The following DHX33 variants were observed in gnomAD, a reference collection of about 807,000 sequenced individuals.
DHX33 encodes DEAH-box helicase 33.
In DHX33, 42 loss-of-function variants were observed where a neutral mutation model predicts 72.5. The ratio of observed to expected loss-of-function variants is 0.58; its 90% CI spans 0.45 to 0.75. The LOEUF is 0.75. Ranked by LOEUF, DHX33 falls within the 30% of genes least tolerant of loss-of-function variation. DHX33 has a pLI of 0.00. For synonymous variants in DHX33, 358 were observed against 366.1 expected (o/e 0.98, Z 0.25); for missense variants, 842 against 917.5 (o/e 0.92, Z 1.06).
At position 5,455,285 on chromosome 17, in the gene DHX33, G is replaced by A; in HGVS notation, c.1036-14C>T. Reference sequence around the variant, plus strand: ...TTTGCGATAGCCCTAAAAGGAGGAAGAAAACCAAAAAGCCGCATTGACACA... The same window carrying A: ...TTTGCGATAGCCCTAAAAGGAGGAAAAAAACCAAAAAGCCGCATTGACACA... On this transcript the variant is annotated splice_polypyrimidine_tract_variant and intron_variant, in intron 5 of 11. Coordinates refer to ENST00000225296, the MANE Select transcript of DHX33 (RefSeq NM_020162.4). 6.2e-7 allele frequency: 1 copy of A among 1,610,524 alleles called. No individual in the cohort carries two copies. The highest frequency in any genetic ancestry group is 8.5e-7 in the Non-Finnish European group (1 of 1,177,166).
At chr17:5,462,113 T>C (rs765046428) in intron 3 of DHX33, among the ~76,000 whole-genome samples, 6 of 150,510 alleles carry the variant, frequency 4.0e-5, no homozygotes, top group Non-Finnish European at 5.9e-5. Context: ...CTAATTTTTA[T>C]ATTTTTAGTA....
Position 5,450,855 on chromosome 17 carries a change from TGGAGTCA to T in DHX33, c.1469_1475del (p.Leu490GlnfsTer11). 1 of 1,614,192 alleles carries T rather than the reference TGGAGTCA, an allele frequency of 6.2e-7. No individual in the cohort carries two copies. The highest frequency in any genetic ancestry group is 8.5e-7 in the Non-Finnish European group (1 of 1,180,030). ...GAAATGCTGCCATCTTTCTTCCCAT[TGGAGTCA>T]GGGTAAGCTGGTCATCCTTATGTTC... On this transcript the variant is annotated frameshift_variant, in exon 9 of 12. Transcript: ENST00000225296. LOFTEE classifies it high-confidence loss of function.
chr17:5,453,765 C>G, intron 7 of DHX33, 56 bp downstream of exon 7: 1 of 1,612,584 alleles, frequency 6.2e-7, no homozygotes, highest in African/African-American at 1.3e-5. Flanking sequence ...CAGCTCTGGG[C>G]AAGCAGGAGA....
intron 8 of DHX33, among the ~76,000 whole-genome samples, chr17:5,452,496 C>T (rs1271522960): frequency 2.6e-5 from 4 of 152,140 alleles, no homozygotes; most frequent in African/African-American, 2.4e-5. Context: ...GCTGGGATCG[C>T]ACCACTGCAC....
chr17:5,451,408 A>G (rs557430098), intron 8 of DHX33, among the ~76,000 whole-genome samples: 1 of 152,192 alleles, frequency 6.6e-6, no homozygotes, highest in Admixed American at 6.5e-5. Flanking sequence ...CCCAGCCTCA[A>G]TTTTCTTTTT....
chr17:5,467,344 C>A (rs916251279), intron 1 of DHX33, among the ~76,000 whole-genome samples: 3 of 152,204 alleles, frequency 2.0e-5, no homozygotes, highest in Non-Finnish European at 4.4e-5. Flanking sequence ...AGGAAACTCT[C>A]CATCCCCTCG....
chr17:5,463,550 C>T lies in DHX33; in HGVS notation c.429G>A (p.Lys143=). The T allele has an allele frequency of 6.2e-7, 1 of 1,614,146 alleles. No homozygotes were observed. The highest frequency in any genetic ancestry group is 8.5e-7 in the Non-Finnish European group (1 of 1,180,012). ...GTACCAGCTTCCCAAGTTCAGTTCT[C>T]TTCTCATCTGAGACTCTAGTAGCAA... ...ISLATRVSDE[K]RTELGKLVGY... The change falls in exon 2 of 12, where the codon AAG becomes AAA. Residue 143 remains lysine (K), a synonymous_variant. Coordinates refer to ENST00000225296, the MANE Select transcript of DHX33 (RefSeq NM_020162.4).
At chr17:5,465,036 G>T (rs11658701) in intron 1 of DHX33, among the ~76,000 whole-genome samples, 1 of 152,062 alleles carries the variant, frequency 6.6e-6, no homozygotes, top group African/African-American at 2.4e-5. Context: ...ACACCAGAAG[G>T]GAAGCTCCCA....
chr17:5,464,274 G>C (rs759385076), intron 1 of DHX33, among the ~76,000 whole-genome samples: 1 of 152,156 alleles, frequency 6.6e-6, no homozygotes, highest in Non-Finnish European at 1.5e-5. Context: ...AGGCTGCAGT[G>C]AGCCATGATC....
At chr17:5,464,304 T>A (rs1164126597) in intron 1 of DHX33, among the ~76,000 whole-genome samples, 1 of 152,192 alleles carries the variant, frequency 6.6e-6, no homozygotes, top group African/African-American at 2.4e-5. Context: ...CACTCCAGCA[T>A]GGGCAACGGA....
Position 5,453,573 on chromosome 17 carries a change from C to T in DHX33, c.1396+7G>A. On this transcript the variant is annotated splice_region_variant and intron_variant, in intron 8 of 11. Coordinates refer to ENST00000225296, the MANE Select transcript of DHX33 (RefSeq NM_020162.4). ...CCACCTTCTGCAAAACTGTGGATTTCACTTACCTGGAGATGGCTTCGACAT... is the reference window on the plus strand; with the variant it reads ...CCACCTTCTGCAAAACTGTGGATTTTACTTACCTGGAGATGGCTTCGACAT... 2 of 1,613,952 alleles carry T rather than the reference C, an allele frequency of 1.2e-6. No homozygotes were observed.
At chr17:5,466,392 C>T (rs1431268908) in intron 1 of DHX33, among the ~76,000 whole-genome samples, 1 of 152,034 alleles carries the variant, frequency 6.6e-6, no homozygotes, top group African/African-American at 2.4e-5. Flanking sequence ...CACACATAAC[C>T]CCATCCTAAA....
In DHX33 at chr17:5,463,634, C is replaced by A; in HGVS notation, c.345G>T (p.Gly115=). 4 of 1,613,938 alleles carry A rather than the reference C, an allele frequency of 2.5e-6. No homozygotes were observed. The highest frequency in any genetic ancestry group is 3.4e-6 in the Non-Finnish European group (4 of 1,179,992). ...CAGCAATGATGCCCTGGCGGCTGAT[C>A]CCTCCTTCATACAGGTACTGAGGGA... The part of the protein sequence containing the change: ...TQIPQYLYEG[G]ISRQGIIAVT... Residue 115 remains glycine, a synonymous_variant, in exon 2 of 12, where the codon GGG becomes GGT. Coordinates refer to ENST00000225296, the MANE Select transcript of DHX33 (RefSeq NM_020162.4).
intron 6 of DHX33, 95 bp downstream of exon 6, chr17:5,455,065 C>T (rs1917128308): frequency 6.0e-6 from 7 of 1,162,854 alleles, no homozygotes; most frequent in Non-Finnish European, 8.9e-6. Flanking sequence ...TTGTTAGTTA[C>T]AAACATGAAA....
At chr17:5,460,870 G>C (rs1904565514) in intron 4 of DHX33, 69 bp downstream of exon 4, 2 of 1,517,350 alleles carry the variant, frequency 1.3e-6, no homozygotes, top group South Asian at 1.2e-5. Context: ...TCTTTTCAAG[G>C]CTCAATGTTC....
intron 1 of DHX33, among the ~76,000 whole-genome samples, chr17:5,465,639 C>T (rs530127725): frequency 5.3e-5 from 8 of 152,340 alleles, no homozygotes; most frequent in Admixed American, 3.3e-4. Flanking sequence ...TTCTTGACTT[C>T]GGATTTTCAA....
Position 5,460,951 on chromosome 17 carries a change from G to A in DHX33, c.837C>T (p.Phe279=), listed in dbSNP as rs1904569063. The change falls in exon 4 of 12, where the codon TTC becomes TTT. Residue 279 remains phenylalanine, a synonymous_variant. Coordinates refer to ENST00000225296, the MANE Select transcript of DHX33 (RefSeq NM_020162.4). The part of the protein sequence containing the change: ...DYLHAALVSV[F]QIHQEAPSSQ... Reference sequence around the variant, plus strand: ...CCCAGCACCATACCTGGTGGATCTGGAAGACGGAGACAAGCGCGGCGTGCA... The same window carrying A: ...CCCAGCACCATACCTGGTGGATCTGAAAGACGGAGACAAGCGCGGCGTGCA... 6.2e-7 allele frequency: 1 copy of A among 1,612,800 alleles called. No individual in the cohort carries two copies. The highest frequency in any genetic ancestry group is 8.5e-7 in the Non-Finnish European group (1 of 1,179,142).
chr17:5,451,243 C>T (rs540637051), intron 8 of DHX33, among the ~76,000 whole-genome samples: 9 of 151,988 alleles, frequency 5.9e-5, no homozygotes, highest in Admixed American at 4.6e-4. Context: ...ATAGCTGGGA[C>T]CACAGGCGCC....
Position 5,444,426 on chromosome 17 carries a change from G to C in DHX33, c.1903C>G (p.Leu635Val), listed in dbSNP as rs1205953701. The change falls in exon 12 of 12, where the codon CTT becomes GTT. Residue 635 changes from leucine to valine, a missense_variant. Coordinates refer to ENST00000225296, the MANE Select transcript of DHX33 (RefSeq NM_020162.4). The surrounding 1 kb of genome is among the most constrained non-coding windows in gnomAD (Gnocchi z 4.9). ...GTGGCATAGGTGCCATCTGGCTGAA[G>C]CTCGGCGGTGCTCATGAAGAGGCTG... The part of the protein sequence containing the change: ...AHSLFMSTAE[L>V]QPDGTYATTD... The C allele has an allele frequency of 6.2e-7, 1 of 1,614,210 alleles. No homozygotes were observed. The highest frequency in any genetic ancestry group is 8.5e-7 in the Non-Finnish European group (1 of 1,180,052).
Sources: gnomAD v4.1 joint callset for allele counts (sites outside exome capture counted in the v4.1 genomes callset) on GRCh38, gnomAD v4.1.1 for gene constraint, Gnocchi (gnomAD v3.1) non-coding constraint, MANE v1.5 for transcripts, NCBI Gene and HGNC (gene_info 2026-07-23, HGNC 2026-07-21) for gene names.